Variants in UBE2F observed in about 807,000 individuals in gnomAD.
The protein encoded by UBE2F is ubiquitin conjugating enzyme E2 F (putative), also known as NEDD8-conjugating enzyme UBE2F.
A neutral mutation model predicts 29.6 loss-of-function variants in UBE2F; 5 were observed. The ratio of observed to expected loss-of-function variants is 0.17; its 90% CI spans 0.09 to 0.36. The LOEUF is 0.36. Among genes scored for constraint, UBE2F ranks in the 10% least tolerant of loss-of-function variants. The pLI is 1.00. For synonymous variants in UBE2F, 66 were observed against 81.8 expected (o/e 0.81, Z 1.04); for missense variants, 141 against 228.5 (o/e 0.62, Z 2.47).
At position 238,016,554 on chromosome 2, in the gene UBE2F, G is replaced by GT. The variant is rs1265961783; in HGVS notation, c.215-6dup. On this transcript the variant is annotated splice_polypyrimidine_tract_variant and intron_variant, in intron 4 of 9. Transcript: ENST00000272930. ...AAAGGATTTTTTTGTTTTGTTTTGT[G>GT]TTTTTTGATAGATGAGGGTTACTAC... 3 of 1,602,202 alleles carry GT rather than the reference G, an allele frequency of 1.9e-6. No individual in the cohort carries two copies. In the East Asian group the frequency reaches 6.7e-5, roughly 36 times the overall value.
intron 8 of UBE2F, among the ~76,000 whole-genome samples, chr2:238,033,698 C>T (rs1035479903): frequency 1.3e-5 from 2 of 152,224 alleles, no homozygotes; most frequent in Non-Finnish European, 2.9e-5. Flanking sequence ...GAATGTCTAT[C>T]ACACAAGCAG....
intron 9 of UBE2F, among the ~76,000 whole-genome samples, 169 bp from the exon 10 acceptor site, chr2:238,041,119 G>A (rs2064829635): frequency 1.3e-5 from 2 of 152,134 alleles, no homozygotes. Context: ...AGGCACCCAG[G>A]TCGTGGCGAA....
intron 2 of UBE2F, among the ~76,000 whole-genome samples, chr2:237,976,499 T>C (rs1260422765): frequency 3.9e-5 from 6 of 152,176 alleles, no homozygotes; most frequent in African/African-American, 1.4e-4. Flanking sequence ...TTATAAACAA[T>C]AGAGTTTTGG....
In UBE2F at chr2:238,015,030, GA is replaced by G. The variant is rs948972073; in HGVS notation, c.215-1528del. 1.1e-3 allele frequency among the ~76,000 whole-genome samples: 161 copies of G among 151,878 alleles called. 1 individual carries two copies. The highest frequency in any genetic ancestry group is 3.5e-3 in the African/African-American group (145 of 41,418). On this transcript the variant is annotated intron_variant, in intron 4 of 9. Transcript: ENST00000272930. ...TTGGGGTGATTAAGCAACCAGTTAG[GA>G]AAAAAAATACGACCTTAGTCTGCAA...
At chr2:237,998,382 A>C (rs2063728505) in intron 4 of UBE2F, among the ~76,000 whole-genome samples, 1 of 152,032 alleles carries the variant, frequency 6.6e-6, no homozygotes, top group Admixed American at 6.6e-5. Context: ...CTTGTTCTTG[A>C]ATTTTTTATA....
chr2:238,012,306 G>T (rs78954010), intron 4 of UBE2F, among the ~76,000 whole-genome samples: 7,978 of 152,116 alleles, frequency 0.052, 570 homozygotes, highest in East Asian at 0.19. Context: ...TCAGTCATTG[G>T]AGTCCTTTGC....
At chr2:238,013,398 T>G (rs2064084963) in intron 4 of UBE2F, among the ~76,000 whole-genome samples, 1 of 152,216 alleles carries the variant, frequency 6.6e-6, no homozygotes, top group African/African-American at 2.4e-5. Context: ...TGAGGTGGCT[T>G]TACCCTTATC....
chr2:238,030,636 G>A lies in UBE2F; in HGVS notation c.411+23G>A, dbSNP rs1477420527. 4 of 1,600,848 alleles carry A rather than the reference G, an allele frequency of 2.5e-6. No individual in the cohort carries two copies. In the East Asian group the frequency reaches 8.9e-5, roughly 36 times the overall value. ...AAGGTAGAGTCTGTGCCTTGATCTT[G>A]ATCATAAGTTGTCCCTGTGGTCCTC... is the stretch of plus-strand genomic sequence containing the variant. On this transcript the variant is annotated intron_variant, in intron 7 of 9. Coordinates refer to ENST00000272930, the MANE Select transcript of UBE2F (RefSeq NM_080678.3).
chr2:238,033,560 AG>A (rs2064635323), intron 8 of UBE2F, among the ~76,000 whole-genome samples: 1 of 152,178 alleles, frequency 6.6e-6, no homozygotes, highest in Non-Finnish European at 1.5e-5. Flanking sequence ...CAGTTAAACT[AG>A]GGGCGGGTCT....
At chr2:237,977,335 C>T (rs78404656) in intron 2 of UBE2F, among the ~76,000 whole-genome samples, 326 of 152,310 alleles carry the variant, frequency 2.1e-3, no homozygotes, top group African/African-American at 6.5e-3. Context: ...AAAGCACTGG[C>T]GATAAATGGC....
At chr2:237,998,573 A>G (rs1376780364) in intron 4 of UBE2F, among the ~76,000 whole-genome samples, 1 of 149,992 alleles carries the variant, frequency 6.7e-6, no homozygotes, top group Non-Finnish European at 1.5e-5. Context: ...TTTGGCTAGT[A>G]TCAATAAACC....
chr2:238,018,011 A>T (rs2064201047), intron 5 of UBE2F, among the ~76,000 whole-genome samples: 1 of 152,218 alleles, frequency 6.6e-6, no homozygotes, highest in East Asian at 1.9e-4. Flanking sequence ...AATGTAATTT[A>T]TGGGGATAGG....
At chr2:237,984,300 T>C (rs1476920138) in intron 2 of UBE2F, among the ~76,000 whole-genome samples, 1 of 152,206 alleles carries the variant, frequency 6.6e-6, no homozygotes, top group African/African-American at 2.4e-5. Context: ...TCTAAGATTG[T>C]CCTCTTTAAG....
At chr2:237,970,998 C>T (rs140696992) in intron 1 of UBE2F, among the ~76,000 whole-genome samples, 2,593 of 152,344 alleles carry the variant, frequency 0.017, 69 homozygotes, top group African/African-American at 0.059. Flanking sequence ...TAGGCATGAG[C>T]CACCATGCCT....
intron 7 of UBE2F, 43 bp from the exon 8 acceptor site, chr2:238,032,179 A>T (rs553548406): frequency 7.1e-6 from 11 of 1,554,070 alleles, no homozygotes; most frequent in South Asian, 2.2e-5. Context: ...GACTAGGTGC[A>T]CTTTGGCTTA....
intron 8 of UBE2F, 68 bp downstream of exon 8, chr2:238,032,322 A>G (rs1431088599): frequency 3.7e-5 from 50 of 1,352,032 alleles, no homozygotes; most frequent in Non-Finnish European, 2.1e-6. Context: ...ACATTGCGTT[A>G]AGACATGGTT....
At chr2:238,024,377 G>C (rs369026404) in intron 5 of UBE2F, among the ~76,000 whole-genome samples, 1 of 152,198 alleles carries the variant, frequency 6.6e-6, no homozygotes, top group Non-Finnish European at 1.5e-5. Flanking sequence ...GCAGGGACTC[G>C]CTCTGTCACC....
chr2:238,031,735 A>G (rs773921071), intron 7 of UBE2F, among the ~76,000 whole-genome samples: 4 of 152,252 alleles, frequency 2.6e-5, no homozygotes, highest in East Asian at 1.9e-4. Flanking sequence ...TGAATCTTCT[A>G]TGATTCTTTA....
Position 237,982,533 on chromosome 2 carries a change from G to A in UBE2F, c.119-5430G>A, listed in dbSNP as rs1301021031. ...TTCCCGTAGGAAAAGCTGGATGACA[G>A]GAGTTATCACCCTCTACTGAGGTGG... On this transcript the variant is annotated intron_variant, in intron 2 of 9. Transcript: ENST00000272930. This position sits in a 1 kb window ranked among gnomAD's most constrained non-coding sequence, Gnocchi z 4.1. Among the ~76,000 whole-genome samples the A allele has an allele frequency of 2.0e-5, 3 of 152,168 alleles. No homozygotes were observed. Among genetic ancestry groups the A allele is most frequent in the African/African-American group, 7.2e-5 (3 of 41,424 alleles).
Sources: allele counts gnomAD v4.1 joint callset (sites outside exome capture counted in the v4.1 genomes callset), GRCh38; gene constraint gnomAD v4.1.1; non-coding constraint Gnocchi (gnomAD v3.1); transcripts MANE v1.5; gene names NCBI Gene and HGNC (gene_info 2026-07-23, HGNC 2026-07-21).